The following UBXN11 variants were observed in gnomAD, a reference collection of about 807,000 sequenced individuals.
The protein encoded by UBXN11 is UBX domain protein 11.
In UBXN11, 47 loss-of-function variants were observed where a neutral mutation model predicts 62.8. That is an observed-to-expected ratio of 0.75 (90% CI 0.59 to 0.95). The LOEUF (loss-of-function observed/expected upper bound fraction) is 0.95, where lower values mean the gene tolerates loss of function less well. UBXN11 is among the 40% of genes least tolerant of loss of function. The probability of loss-of-function intolerance (pLI) is 0.00; values close to 1 mark genes in which losing one functional copy is unlikely to be tolerated. For synonymous variants in UBXN11, 294 were observed against 267.0 expected (o/e 1.10, Z -0.99); for missense variants, 638 against 661.7 (o/e 0.96, Z 0.39).
intron 4 of UBXN11, among the ~76,000 whole-genome samples, chr1:26,300,706 C>G (rs1284947015): frequency 6.7e-6 from 1 of 148,462 alleles, no homozygotes; most frequent in Non-Finnish European, 1.5e-5. Flanking sequence ...ACAGCCTGGC[C>G]TGGGGCTGGG....
chr1:26,282,352 C>CGGGACA lies in UBXN11; in HGVS notation c.1509_1510insTGTCCC (p.Pro503_Gly504insCysPro), dbSNP rs151149897. On this transcript the variant is annotated inframe_insertion, in exon 15 of 15. Coordinates refer to ENST00000374222, the MANE Select transcript of UBXN11 (RefSeq NM_001389556.1). ...CAGGGACTGGGGCCGGGACCGGGACCGGGACTGGGGCCGGGACCGGGACCG... is the reference window on the plus strand; with the variant it reads ...CAGGGACTGGGGCCGGGACCGGGACCGGGACAGGGACTGGGGCCGGGACCGGGACCG... 148 of 271,646 alleles carry CGGGACA rather than the reference C, an allele frequency of 5.4e-4. No individual in the cohort carries two copies. The highest frequency in any genetic ancestry group is 2.6e-3 in the Middle Eastern group (3 of 1,152). The allele number at this position is 271,646 out of a possible 1,614,324, so 16.8% of individuals were successfully genotyped here. A position where few individuals can be genotyped will look rare whatever the true frequency, so the allele number is the denominator to read the frequency against.
At chr1:26,301,393 G>A (rs747671603) in intron 3 of UBXN11, among the ~76,000 whole-genome samples, 4 of 152,134 alleles carry the variant, frequency 2.6e-5, no homozygotes, top group African/African-American at 7.2e-5. Context: ...CCCCTGGGCT[G>A]GGTAATCTCT....
Position 26,284,179 on chromosome 1 carries a change from A to C in UBXN11, c.1040T>G (p.Val347Gly). Residue 347 changes from valine (V) to glycine (G), a missense_variant, in exon 12 of 15, where the codon GTG becomes GGG. Transcript: ENST00000374222. The part of the protein sequence containing the change: ...LPKFVIRQGE[V>G]IDIRGPIRDT... ...CCTGATGGGGCCCCGGATGTCAATC[A>C]CCTCGCCTTGCCGGATCACAAACTT... is the stretch of plus-strand genomic sequence containing the variant. The C allele has an allele frequency of 6.2e-7, 1 of 1,612,860 alleles. No individual in the cohort carries two copies. The highest frequency in any genetic ancestry group is 8.5e-7 in the Non-Finnish European group (1 of 1,179,380).
chr1:26,306,837 G>GGGGGGGGGGGGGGGTTGGGT (rs2073682363), upstream of UBXN11: 1 of 63,372 alleles, frequency 1.6e-5, no homozygotes, highest in African/African-American at 6.0e-5. Flanking sequence ...GGTGGGGGGG[G>GGGGGGGGGGGGGGGTTGGGT]GGGGTGGTTC....
chr1:26,297,301 C>T, intron 6 of UBXN11, 126 bp downstream of exon 6: 2 of 1,200,354 alleles, frequency 1.7e-6, no homozygotes, highest in South Asian at 3.2e-5. Flanking sequence ...CTCAGCTGTC[C>T]AGACCCCACC....
intron 1 of UBXN11, among the ~76,000 whole-genome samples, chr1:26,312,618 T>C (rs1029372914): frequency 1.3e-5 from 2 of 152,044 alleles, no homozygotes; most frequent in African/African-American, 4.8e-5. Context: ...TATAAATTCC[T>C]CAGGGGAAAG....
At chr1:26,304,666 T>C (rs1191432367) in intron 1 of UBXN11, among the ~76,000 whole-genome samples, 1 of 152,092 alleles carries the variant, frequency 6.6e-6, no homozygotes, top group Non-Finnish European at 1.5e-5. Context: ...GGCAGAAGAA[T>C]TGCTTGAACC....
chr1:26,294,089 G>T, intron 8 of UBXN11, 116 bp downstream of exon 8: 1 of 1,486,490 alleles, frequency 6.7e-7, no homozygotes, highest in Non-Finnish European at 9.0e-7. Flanking sequence ...CTCTCAGGGC[G>T]TCTTGGGTCA....
At chr1:26,288,414 T>TA (rs2073180398) in intron 8 of UBXN11, among the ~76,000 whole-genome samples, 1 of 151,864 alleles carries the variant, frequency 6.6e-6, no homozygotes, top group South Asian at 2.1e-4. Flanking sequence ...CTGGATATGA[T>TA]AGAGTGGAGA....
rs117886334 is a variant in UBXN11, at chr1:26,289,892, A to T, written c.560-3855T>A. Among the ~76,000 whole-genome samples the T allele has an allele frequency of 6.7e-3, 1,013 of 152,288 alleles. 16 individuals are homozygous for T. The highest frequency in any genetic ancestry group is 0.064 in the East Asian group (331 of 5,142). ...CAGGAAGTGGAACCACTATTACCACACACCTGCAAGCCAGGCCCCGCTCTG... is the reference window on the plus strand; with the variant it reads ...CAGGAAGTGGAACCACTATTACCACTCACCTGCAAGCCAGGCCCCGCTCTG... On this transcript the variant is annotated intron_variant, in intron 8 of 14. Transcript: ENST00000374222.
chr1:26,307,993 G>A (rs1278103001), upstream of UBXN11, among the ~76,000 whole-genome samples: 1 of 152,106 alleles, frequency 6.6e-6, no homozygotes, highest in East Asian at 1.9e-4. Context: ...AGGGCCGGGC[G>A]TGGTGGTTCA....
intron 2 of UBXN11, 125 bp from the exon 3 acceptor site, chr1:26,301,847 C>T: frequency 7.7e-7 from 1 of 1,306,742 alleles, no homozygotes; most frequent in East Asian, 2.4e-5. Flanking sequence ...GCCTCTAACT[C>T]CTGAGGACTT....
At chr1:26,290,339 G>A (rs1047150174) in intron 8 of UBXN11, among the ~76,000 whole-genome samples, 102 of 152,268 alleles carry the variant, frequency 6.7e-4, no homozygotes, top group African/African-American at 2.1e-3. Context: ...GGGGGTCAGC[G>A]ATCTGCTGAT....
rs187225702 is a variant in UBXN11 at position 26,290,691 on chromosome 1, C to T, written c.559+3514G>A. On this transcript the variant is annotated intron_variant, in intron 8 of 14. Transcript: ENST00000374222. ...TGGGGCTTGAGAGGAAGGAGGGAGG[C>T]GTGTGGGGTGCTGGCAGGGAGAGGT... Among the ~76,000 whole-genome samples, 116 of 151,448 alleles carry T rather than the reference C, an allele frequency of 7.7e-4. 3 individuals are homozygous for T. The East Asian group carries it at 0.016, about 20-fold the overall frequency.
At chr1:26,312,979 C>CAAAAAAAAAAAAAAAAAAAAAAA (rs55777309) in intron 1 of UBXN11, among the ~76,000 whole-genome samples, 1 of 48,152 alleles carries the variant, frequency 2.1e-5, no homozygotes, top group African/African-American at 9.2e-5. Flanking sequence ...AACTCTGTCT[C>CAAAAAAAAAAAAAAAAAAAAAAA]AAAAAAAAAA....
At position 26,285,813 on chromosome 1, in the gene UBXN11, C is replaced by CT; in HGVS notation, c.774+9_774+10insA. 1 of 1,586,778 alleles carries CT rather than the reference C, an allele frequency of 6.3e-7. No homozygotes were observed. Among genetic ancestry groups the CT allele is most frequent in the East Asian group, 2.3e-5 (1 of 44,164 alleles). On this transcript the variant is annotated intron_variant, in intron 9 of 14. Coordinates refer to ENST00000374222, the MANE Select transcript of UBXN11 (RefSeq NM_001389556.1). ...CACTAGAGCACCACCCCCCCCAACA[C>CT]CGCTCCTACCTGTGTGGAGGGATCG...
intron 6 of UBXN11, 42 bp from the exon 7 acceptor site, chr1:26,297,037 G>C: frequency 6.4e-7 from 1 of 1,567,610 alleles, no homozygotes; most frequent in African/African-American, 1.3e-5. Flanking sequence ...GCCCCAGCAA[G>C]ACACTGCCAG....
intron 8 of UBXN11, among the ~76,000 whole-genome samples, chr1:26,292,578 GGGCGCGGT>G (rs2073294986): frequency 6.6e-6 from 1 of 152,018 alleles, no homozygotes; most frequent in South Asian, 2.1e-4. Context: ...GCAAATGGCT[GGGCGCGGT>G]GGCTCACACC....
intron 8 of UBXN11, among the ~76,000 whole-genome samples, chr1:26,292,509 C>G (rs765442061): frequency 1.3e-5 from 2 of 151,714 alleles, no homozygotes; most frequent in Non-Finnish European, 2.9e-5. Flanking sequence ...AAGTGAGACC[C>G]TGCCTCAAAA....
Sources: gnomAD v4.1 joint callset for allele counts (sites outside exome capture counted in the v4.1 genomes callset) on GRCh38, gnomAD v4.1.1 for gene constraint, MANE v1.5 for transcripts, NCBI Gene and HGNC (gene_info 2026-07-23, HGNC 2026-07-21) for gene names.